KCND2: variants seen among roughly 807,000 people sequenced by gnomAD.
The protein encoded by KCND2 is potassium voltage-gated channel subfamily D member 2.
Under a neutral mutation model 54.4 loss-of-function variants are expected in KCND2, and 16 were observed. That is an observed-to-expected ratio of 0.29 (90% CI 0.20 to 0.45). KCND2 has a LOEUF of 0.45. Ranked by LOEUF, KCND2 falls within the 20% of genes least tolerant of loss-of-function variation. The probability of loss-of-function intolerance (pLI) is 1.00; values close to 1 mark genes in which losing one functional copy is unlikely to be tolerated. For missense variants in KCND2, 486 were observed against 824.2 expected (o/e 0.59, Z 5.02); for synonymous variants, 317 against 310.7 (o/e 1.02, Z -0.21).
rs528466183 is a variant in KCND2, at chr7:120,547,328, T to C, written c.1116-185575T>C. On this transcript the variant is annotated intron_variant, in intron 1 of 5. Coordinates refer to ENST00000331113, the MANE Select transcript of KCND2 (RefSeq NM_012281.3). ...GCTCAATGACTGAAATCATTCTCCA[T>C]TCTACTCTAATGTTAACTGAAGAGG... Among the ~76,000 whole-genome samples the C allele has an allele frequency of 8.5e-5, 13 of 152,082 alleles. No homozygotes were observed. The South Asian group carries it at 2.7e-3, about 32-fold the overall frequency.
At chr7:120,411,616 G>C (rs988802687) in intron 1 of KCND2, among the ~76,000 whole-genome samples, 1 of 151,860 alleles carries the variant, frequency 6.6e-6, no homozygotes, top group Non-Finnish European at 1.5e-5. Context: ...TAAAAACTTT[G>C]TAAGAAGAGG....
chr7:120,281,366 G>T (rs1799259457), intron 1 of KCND2, among the ~76,000 whole-genome samples: 1 of 150,140 alleles, frequency 6.7e-6, no homozygotes, highest in African/African-American at 2.5e-5. Flanking sequence ...GTATGTATAA[G>T]CATTGCTCTC....
chr7:120,731,933 G>A (rs1341302757), intron 1 of KCND2, among the ~76,000 whole-genome samples: 1 of 152,244 alleles, frequency 6.6e-6, no homozygotes, highest in African/African-American at 2.4e-5. Context: ...ATATTTGAGA[G>A]AGGAAGAGGA....
At chr7:120,361,501 G>A (rs79173160) in intron 1 of KCND2, among the ~76,000 whole-genome samples, 1,590 of 151,512 alleles carry the variant, frequency 0.01, 13 homozygotes, top group Middle Eastern at 0.027. Context: ...TCACCTTCCT[G>A]TGCTTAGAAG....
At chr7:120,353,810 A>G (rs1800451334) in intron 1 of KCND2, among the ~76,000 whole-genome samples, 1 of 152,158 alleles carries the variant, frequency 6.6e-6, no homozygotes, top group Non-Finnish European at 1.5e-5. Context: ...TGATATTTGT[A>G]GTGATGCTAC....
intron 1 of KCND2, among the ~76,000 whole-genome samples, chr7:120,436,164 A>G (rs1037595991): frequency 1.3e-5 from 2 of 152,250 alleles, no homozygotes; most frequent in Non-Finnish European, 2.9e-5. Flanking sequence ...TTAAAAATAT[A>G]TTCTTTCCAA....
At chr7:120,277,078 A>T (rs1799187061) in intron 1 of KCND2, among the ~76,000 whole-genome samples, 1 of 152,130 alleles carries the variant, frequency 6.6e-6, no homozygotes, top group African/African-American at 2.4e-5. Context: ...AGAATTTCTC[A>T]TGTCATGTGG....
intron 1 of KCND2, among the ~76,000 whole-genome samples, chr7:120,450,845 T>C (rs1022739792): frequency 2.0e-5 from 3 of 152,218 alleles, no homozygotes; most frequent in African/African-American, 7.2e-5. Flanking sequence ...ATATTGTTGC[T>C]GACGCCTCTC....
At chr7:120,590,459 TTAA>T (rs1792656592) in intron 1 of KCND2, among the ~76,000 whole-genome samples, 1 of 152,212 alleles carries the variant, frequency 6.6e-6, no homozygotes, top group Admixed American at 6.5e-5. Flanking sequence ...GCAAATAATA[TTAA>T]TAAGAAATTG....
chr7:120,360,023 T>C (rs1449748987), intron 1 of KCND2, among the ~76,000 whole-genome samples: 1 of 152,052 alleles, frequency 6.6e-6, no homozygotes, highest in African/African-American at 2.4e-5. Context: ...TCAATCTCAG[T>C]TTTGTCTTTA....
At chr7:120,348,157 A>G (rs566702226) in intron 1 of KCND2, among the ~76,000 whole-genome samples, 1 of 152,332 alleles carries the variant, frequency 6.6e-6, no homozygotes, top group African/African-American at 2.4e-5. Flanking sequence ...TAAACAGGGA[A>G]TCATCAGATA....
intron 1 of KCND2, among the ~76,000 whole-genome samples, chr7:120,305,734 G>GTCCCAAGCATAGGCCAGGTTT (rs1799644619): frequency 6.6e-6 from 1 of 152,076 alleles, no homozygotes; most frequent in African/African-American, 2.4e-5. Context: ...AAATGTGTCT[G>GTCCCAAGCATAGGCCAGGTTT]TCCCAAGCAT....
chr7:120,405,417 T>C (rs377209448), intron 1 of KCND2, among the ~76,000 whole-genome samples: 3 of 152,120 alleles, frequency 2.0e-5, no homozygotes, highest in African/African-American at 7.2e-5. Flanking sequence ...ATAGTGGGGA[T>C]TGATACTGAT....
chr7:120,561,705 A>G (rs977542253), intron 1 of KCND2, among the ~76,000 whole-genome samples: 1 of 136,586 alleles, frequency 7.3e-6, no homozygotes, highest in Admixed American at 8.8e-5. Context: ...TTCGCCTCCC[A>G]GGTACAAGCG....
At chr7:120,642,875 T>C (rs1793395580) in intron 1 of KCND2, among the ~76,000 whole-genome samples, 1 of 152,178 alleles carries the variant, frequency 6.6e-6, no homozygotes, top group Admixed American at 6.5e-5. Flanking sequence ...AACTAAGGCT[T>C]TAACCATGTG....
At chr7:120,469,897 T>G (rs1184787549) in intron 1 of KCND2, among the ~76,000 whole-genome samples, 1 of 152,168 alleles carries the variant, frequency 6.6e-6, no homozygotes, top group African/African-American at 2.4e-5. Context: ...CATTGAAATT[T>G]TATCTCCTAT....
At chr7:120,521,048 ATTG>A (rs1207153248) in intron 1 of KCND2, among the ~76,000 whole-genome samples, 4 of 152,126 alleles carry the variant, frequency 2.6e-5, no homozygotes, top group Non-Finnish European at 4.4e-5. Flanking sequence ...TAGAGTAGGA[ATTG>A]TTGTCTGTAA....
intron 1 of KCND2, among the ~76,000 whole-genome samples, chr7:120,577,050 G>A (rs1792443873): frequency 6.6e-6 from 1 of 152,058 alleles, no homozygotes; most frequent in East Asian, 1.9e-4. Flanking sequence ...GGGAGGCTGA[G>A]GCAGGAGAAT....
intron 1 of KCND2, among the ~76,000 whole-genome samples, chr7:120,391,722 A>G (rs1801080426): frequency 6.6e-6 from 1 of 152,028 alleles, no homozygotes. Context: ...TTCTTTTGAG[A>G]AGTGTCTGTT....
Sources: gnomAD v4.1 joint callset for allele counts (sites outside exome capture counted in the v4.1 genomes callset) on GRCh38, gnomAD v4.1.1 for gene constraint, MANE v1.5 for transcripts, NCBI Gene and HGNC (gene_info 2026-07-23, HGNC 2026-07-21) for gene names.